Variants in COL4A1 observed in about 807,000 individuals in gnomAD.
COL4A1 encodes the protein collagen alpha-1(IV) chain.
A neutral mutation model predicts 216.6 loss-of-function variants in COL4A1; 40 were observed. The observed-to-expected ratio is 0.18, with a 90% CI of 0.14 to 0.24. COL4A1 has a LOEUF of 0.24. Among genes scored for constraint, COL4A1 ranks in the 10% least tolerant of loss-of-function variants. The probability of loss-of-function intolerance (pLI) is 1.00; values close to 1 mark genes in which losing one functional copy is unlikely to be tolerated. For missense variants in COL4A1, 1,628 were observed against 2,196.8 expected, an observed-to-expected ratio of 0.74 and a Z score of 5.18; for synonymous variants, 839 against 810.7, an observed-to-expected ratio of 1.03 and a Z score of -0.59.
chr13:110,180,680 T>G (rs1365526288), intron 29 of COL4A1, among the ~76,000 whole-genome samples: 3 of 152,242 alleles, frequency 2.0e-5, no homozygotes, highest in African/African-American at 7.2e-5. Context: ...TAGCAGAATA[T>G]TTGAGGGCAA....
At chr13:110,264,003 C>T (rs1264045420) in intron 1 of COL4A1, among the ~76,000 whole-genome samples, 1 of 152,204 alleles carries the variant, frequency 6.6e-6, no homozygotes, top group African/African-American at 2.4e-5. Flanking sequence ...AAGTTCAGGA[C>T]ATCCTCATCC....
intron 1 of COL4A1, among the ~76,000 whole-genome samples, chr13:110,267,209 C>T (rs1043527744): frequency 9.2e-5 from 14 of 152,132 alleles, no homozygotes; most frequent in African/African-American, 3.1e-4. Flanking sequence ...TCCACACAGG[C>T]GAGGGGAAGG....
chr13:110,201,592 T>C, intron 18 of COL4A1, 70 bp from the exon 19 acceptor site: 1 of 1,255,860 alleles, frequency 8.0e-7, no homozygotes, highest in South Asian at 1.2e-5. Context: ...TAAAGCAGTA[T>C]GAGTGAAGAA....
In COL4A1 at chr13:110,150,324, A is replaced by AGAC; in HGVS notation, c.*38_*39insGTC. On this transcript the variant is annotated 3_prime_UTR_variant, in exon 52 of 52. Transcript: ENST00000375820. ...GTTGCTGTTAACAAAAAGAAGAAGAAGTAGCACCATGTTGTGACATTAGCT... is the reference window on the plus strand; with the variant it reads ...GTTGCTGTTAACAAAAAGAAGAAGAAGACGTAGCACCATGTTGTGACATTAGCT... 1 of 1,579,324 alleles carries AGAC rather than the reference A, an allele frequency of 6.3e-7. No individual in the cohort carries two copies. The highest frequency in any genetic ancestry group is 2.3e-5 in the East Asian group (1 of 44,440).
chr13:110,212,765 G>T, intron 4 of COL4A1, 147 bp from the exon 5 acceptor site: 2 of 906,252 alleles, frequency 2.2e-6, no homozygotes, highest in Non-Finnish European at 3.5e-6. Flanking sequence ...ACAAGAGGCA[G>T]CAGAGGGCAC....
Position 110,214,236 on chromosome 13 carries a change from G to A in COL4A1, c.145-221C>T, listed in dbSNP as rs9521651. On this transcript the variant is annotated intron_variant, in intron 2 of 51. Transcript: ENST00000375820. The stretch of plus-strand genomic sequence containing the variant: ...CTCCCGGGTAGCTGGGATTACAGGC[G>A]TGCGCCACCACGCTGGCTAATTTTT... 0.036 allele frequency among the ~76,000 whole-genome samples: 5,518 copies of A among 152,120 alleles called. 149 individuals carry two copies. The highest frequency in any genetic ancestry group is 0.056 in the Non-Finnish European group (3,833 of 67,976).
In COL4A1 at chr13:110,210,110, T is replaced by C. The variant is rs1292134843; in HGVS notation, c.552+19A>G. The C allele has an allele frequency of 2.5e-6, 4 of 1,614,072 alleles. No individual in the cohort carries two copies. Among genetic ancestry groups the C allele is most frequent in the Non-Finnish European group, 2.5e-6 (3 of 1,179,946 alleles). On this transcript the variant is annotated intron_variant, in intron 9 of 51. Coordinates refer to ENST00000375820, the MANE Select transcript of COL4A1 (RefSeq NM_001845.6). ...AGGGTGAGGTGGCACATGTTCATAATGATTCAGCAAATGCTTACTGGAGTC... is the reference window on the plus strand; with the variant it reads ...AGGGTGAGGTGGCACATGTTCATAACGATTCAGCAAATGCTTACTGGAGTC...
At chr13:110,236,576 T>A (rs1423196271) in intron 2 of COL4A1, among the ~76,000 whole-genome samples, 1 of 152,026 alleles carries the variant, frequency 6.6e-6, no homozygotes, top group Non-Finnish European at 1.5e-5. Flanking sequence ...TGATCCTGAG[T>A]CAAAGAGAGG....
intron 1 of COL4A1, among the ~76,000 whole-genome samples, chr13:110,302,111 G>A (rs80280017): frequency 0.05 from 7,595 of 152,244 alleles, 230 homozygotes; most frequent in Middle Eastern, 0.088. Flanking sequence ...AAAGCTGCGG[G>A]CACCTCTGGG....
intron 4 of COL4A1, among the ~76,000 whole-genome samples, chr13:110,213,456 G>A (rs1879916796): frequency 1.3e-5 from 2 of 152,166 alleles, no homozygotes; most frequent in Admixed American, 1.3e-4. Context: ...TCTAATGACT[G>A]TGGACACATC....
At chr13:110,234,782 A>T (rs1464859823) in intron 2 of COL4A1, among the ~76,000 whole-genome samples, 2 of 152,136 alleles carry the variant, frequency 1.3e-5, no homozygotes, top group Non-Finnish European at 2.9e-5. Context: ...TCCCGTTTCC[A>T]TCCCGGAGGA....
chr13:110,189,299 G>C (rs1282737234), intron 24 of COL4A1, among the ~76,000 whole-genome samples: 2 of 152,230 alleles, frequency 1.3e-5, no homozygotes, highest in East Asian at 3.9e-4. Flanking sequence ...CCGACCTCAG[G>C]TGATCCGCCC....
intron 37 of COL4A1, 86 bp downstream of exon 37, chr13:110,175,132 G>T: frequency 6.5e-7 from 1 of 1,530,230 alleles, no homozygotes. Flanking sequence ...CTCATTGAGT[G>T]TGCTGAGATA....
In COL4A1 at chr13:110,170,133, G is replaced by GGAAA. The variant is rs1555302353; in HGVS notation, c.3743-372_3743-371insTTTC. 7.5e-3 allele frequency among the ~76,000 whole-genome samples: 483 copies of GGAAA among 64,466 alleles called. 9 individuals carry two copies. Among genetic ancestry groups the GGAAA allele is most frequent in the African/African-American group, 0.018 (460 of 25,428 alleles). The allele number at this position is 64,466 out of a possible 152,430, so 42.3% of individuals were successfully genotyped here. A position where few individuals can be genotyped will look rare whatever the true frequency, so the allele number is the denominator to read the frequency against. ...AGGAAAGAAGGAAGGAAGGAAGGAAGGAAGGAAGGAAGGAAGGACAGACAT... is the reference window on the plus strand; with the variant it reads ...AGGAAAGAAGGAAGGAAGGAAGGAAGGAAAGAAGGAAGGAAGGAAGGACAGACAT... On this transcript the variant is annotated intron_variant, in intron 42 of 51. Coordinates refer to ENST00000375820, the MANE Select transcript of COL4A1 (RefSeq NM_001845.6).
intron 48 of COL4A1, among the ~76,000 whole-genome samples, chr13:110,161,737 C>T (rs933685712): frequency 6.6e-6 from 1 of 152,206 alleles, no homozygotes; most frequent in South Asian, 2.1e-4. Context: ...AATTAAAACA[C>T]AGTTTGGTGG....
chr13:110,240,535 A>AC (rs1246232866), intron 2 of COL4A1, among the ~76,000 whole-genome samples: 1 of 152,256 alleles, frequency 6.6e-6, no homozygotes, highest in Non-Finnish European at 1.5e-5. Flanking sequence ...CGCAAGCCCC[A>AC]CGCAGGCTCC....
chr13:110,289,315 C>G (rs753163175), intron 1 of COL4A1, among the ~76,000 whole-genome samples: 1 of 152,144 alleles, frequency 6.6e-6, no homozygotes, highest in Non-Finnish European at 1.5e-5. Context: ...TCCACTGCCG[C>G]GACCAAGAGG....
intron 1 of COL4A1, among the ~76,000 whole-genome samples, chr13:110,267,774 T>G (rs1243451825): frequency 6.6e-6 from 1 of 152,224 alleles, no homozygotes; most frequent in Non-Finnish European, 1.5e-5. Flanking sequence ...GGCATTGGAA[T>G]AGCTTCAAAA....
At chr13:110,294,856 G>C (rs116522243) in intron 1 of COL4A1, among the ~76,000 whole-genome samples, 1,651 of 152,272 alleles carry the variant, frequency 0.011, 27 homozygotes, top group African/African-American at 0.038. Flanking sequence ...TCCAAGTCTA[G>C]AATAGTGCCT....
Sources: allele counts gnomAD v4.1 joint callset (sites outside exome capture counted in the v4.1 genomes callset), GRCh38; gene constraint gnomAD v4.1.1; transcripts MANE v1.5; gene names NCBI Gene and HGNC (gene_info 2026-07-23, HGNC 2026-07-21).